CRTC3: variants seen among roughly 807,000 people sequenced by gnomAD.
CRTC3 encodes the protein CREB-regulated transcription coactivator 3.
Under a neutral mutation model 74.5 loss-of-function variants are expected in CRTC3, and 26 were observed. The observed-to-expected ratio is 0.35, with a 90% confidence interval of 0.26 to 0.48. CRTC3 has a LOEUF of 0.48. CRTC3 is among the 20% of genes least tolerant of loss of function. CRTC3 has a pLI of 0.99. For missense variants in CRTC3, 760 were observed against 787.3 expected, an observed-to-expected ratio of 0.97 and a Z score of 0.41; for synonymous variants, 377 against 325.8, an observed-to-expected ratio of 1.16 and a Z score of -1.69.
chr15:90,595,669 C>T (rs559163815), intron 3 of CRTC3: 3 of 151,720 alleles, frequency 2.0e-5, no homozygotes, highest in South Asian at 2.1e-4. Context: ...GCTATATATA[C>T]GTGTGTGTAT....
chr15:90,538,240 GA>G (rs1966750281), intron 1 of CRTC3, among the ~76,000 whole-genome samples: 3 of 152,218 alleles, frequency 2.0e-5, no homozygotes, highest in African/African-American at 7.2e-5. Context: ...AGAATTTCAA[GA>G]ATAGTCAGAT....
chr15:90,546,633 A>G (rs1227549424), intron 2 of CRTC3, among the ~76,000 whole-genome samples: 3 of 151,480 alleles, frequency 2.0e-5, no homozygotes, highest in Admixed American at 1.3e-4. Context: ...TTTTATTTTT[A>G]TTTTTTTGAG....
intron 2 of CRTC3, among the ~76,000 whole-genome samples, chr15:90,564,872 C>T (rs1967087044): frequency 6.6e-6 from 1 of 152,126 alleles, no homozygotes; most frequent in African/African-American, 2.4e-5. Flanking sequence ...TGTCTCTACC[C>T]ATTACAAGCC....
chr15:90,598,656 G>A, intron 3 of CRTC3: 1 of 622,786 alleles, frequency 1.6e-6, no homozygotes, highest in Non-Finnish European at 2.9e-6. Flanking sequence ...GACAGTGATT[G>A]GTTGGATTTT....
intron 2 of CRTC3, among the ~76,000 whole-genome samples, chr15:90,547,056 A>T (rs760171931): frequency 1.2e-4 from 19 of 152,356 alleles, no homozygotes; most frequent in Non-Finnish European, 2.1e-4. Flanking sequence ...ATTGAAGTTC[A>T]GTTGCTTATA....
chr15:90,625,989 C>T lies in CRTC3; in HGVS notation c.963C>T (p.Ser321=), dbSNP rs912940853. 1 of 1,612,962 alleles carries T rather than the reference C, an allele frequency of 6.2e-7. No homozygotes were observed. The highest frequency in any genetic ancestry group is 8.5e-7 in the Non-Finnish European group (1 of 1,178,892). Residue 321 remains serine, a synonymous_variant, in exon 10 of 15, where the codon TCC becomes TCT. Coordinates refer to ENST00000268184, the MANE Select transcript of CRTC3 (RefSeq NM_022769.5). ...TGACCCACCTGGGTATAAGAAGCTCCTCTGGTGAGTATCTCCTGCTTAGCA... is the reference window on the plus strand; with the variant it reads ...TGACCCACCTGGGTATAAGAAGCTCTTCTGGTGAGTATCTCCTGCTTAGCA... ...AAMTHLGIRS[S]SGLQSSRSNP...
intron 13 of CRTC3, among the ~76,000 whole-genome samples, chr15:90,639,504 C>CAGTG (rs1186910581): frequency 7.0e-6 from 1 of 143,490 alleles, no homozygotes; most frequent in Non-Finnish European, 1.5e-5. Flanking sequence ...GGCTGGAGTG[C>CAGTG]AGTGGCGTGA....
chr15:90,567,478 G>A (rs1316875734), intron 2 of CRTC3, among the ~76,000 whole-genome samples: 2 of 152,078 alleles, frequency 1.3e-5, no homozygotes, highest in African/African-American at 4.8e-5. Flanking sequence ...CCTGAGGTCA[G>A]CAGTTCAAGA....
At chr15:90,635,733 G>A (rs1403527915) in intron 11 of CRTC3, among the ~76,000 whole-genome samples, 4 of 151,448 alleles carry the variant, frequency 2.6e-5, no homozygotes, top group Non-Finnish European at 4.4e-5. Context: ...GTCGCACCTC[G>A]GCATATCAGG....
In CRTC3 at chr15:90,607,341, A is replaced by G. The variant is rs1968248754; in HGVS notation, c.477-37A>G. ...GACTATTGCATTTTCACTAAGGAAA[A>G]CGGATTTTCAGCCAGCCTCTCTCCT... On this transcript the variant is annotated intron_variant, in intron 5 of 14. Transcript: ENST00000268184. 5.5e-6 allele frequency: 7 copies of G among 1,271,856 alleles called. No homozygotes were observed. In the East Asian group the frequency reaches 1.7e-4, roughly 30 times the overall value. 78.8% of individuals were successfully genotyped at this position (1,271,856 alleles called of 1,614,324 possible). A position where few individuals can be genotyped will look rare whatever the true frequency, so the allele number is the denominator to read the frequency against.
intron 2 of CRTC3, among the ~76,000 whole-genome samples, chr15:90,551,567 A>G (rs1420328731): frequency 6.6e-6 from 1 of 152,084 alleles, no homozygotes; most frequent in Non-Finnish European, 1.5e-5. Context: ...GAGTTCTTGG[A>G]GGAGGTAGGC....
At chr15:90,610,259 A>T (rs144435128) in intron 6 of CRTC3, among the ~76,000 whole-genome samples, 181 of 152,364 alleles carry the variant, frequency 1.2e-3, no homozygotes, top group African/African-American at 4.3e-3. Context: ...AGATTTAAAC[A>T]GTGATGGGAA....
At chr15:90,565,705 T>G (rs148572705) in intron 2 of CRTC3, among the ~76,000 whole-genome samples, 23 of 152,328 alleles carry the variant, frequency 1.5e-4, no homozygotes, top group Non-Finnish European at 3.2e-4. Flanking sequence ...TATGGTGATC[T>G]GTAATCGGTG....
intron 8 of CRTC3, chr15:90,618,248 T>C (rs1968548025): frequency 4.9e-6 from 1 of 204,752 alleles, no homozygotes. Context: ...CATATCTTAT[T>C]TGTTTTGCTA....
At chr15:90,574,700 C>A (rs1051953106) in intron 2 of CRTC3, among the ~76,000 whole-genome samples, 2 of 152,274 alleles carry the variant, frequency 1.3e-5, no homozygotes, top group African/African-American at 4.8e-5. Flanking sequence ...CACATCCTCC[C>A]CAACTCAGTG....
At chr15:90,575,964 G>T (rs1967394653) in intron 2 of CRTC3, among the ~76,000 whole-genome samples, 1 of 152,102 alleles carries the variant, frequency 6.6e-6, no homozygotes, top group Non-Finnish European at 1.5e-5. Context: ...TTGTGTTTTA[G>T]GAAGATTATT....
chr15:90,631,308 G>A (rs1015998065), intron 11 of CRTC3, among the ~76,000 whole-genome samples: 4 of 152,174 alleles, frequency 2.6e-5, no homozygotes, highest in Non-Finnish European at 5.9e-5. Flanking sequence ...TGGCACGATC[G>A]CGGCTCCCTT....
chr15:90,638,120 C>A, intron 11 of CRTC3: 1 of 284,552 alleles, frequency 3.5e-6, no homozygotes, highest in Admixed American at 4.8e-5. Flanking sequence ...TTCAATTTTC[C>A]ACTTTTAACC....
chr15:90,549,542 G>T (rs894111125), intron 2 of CRTC3, among the ~76,000 whole-genome samples: 3 of 152,102 alleles, frequency 2.0e-5, no homozygotes, highest in African/African-American at 7.2e-5. Flanking sequence ...TTAGGAGGCC[G>T]AGGCGGGCAG....
Sources: allele counts gnomAD v4.1 joint callset (sites outside exome capture counted in the v4.1 genomes callset), GRCh38; gene constraint gnomAD v4.1.1; transcripts MANE v1.5; gene names NCBI Gene and HGNC (gene_info 2026-07-23, HGNC 2026-07-21).